The following MDGA2 variants were observed in gnomAD, a reference collection of about 807,000 sequenced individuals.
MDGA2 encodes the protein MAM domain-containing glycosylphosphatidylinositol anchor protein 2.
A neutral mutation model predicts 117.8 loss-of-function variants in MDGA2; 40 were observed. That is an observed-to-expected ratio of 0.34 (90% CI 0.26 to 0.44). The LOEUF (loss-of-function observed/expected upper bound fraction) is 0.44. MDGA2 is among the 20% of genes least tolerant of loss of function. MDGA2 has a pLI of 1.00. For synonymous variants in MDGA2, 452 were observed against 439.0 expected, an observed-to-expected ratio of 1.03 and a Z score of -0.37; for missense variants, 1,123 against 1,250.6, an observed-to-expected ratio of 0.90 and a Z score of 1.54.
At chr14:46,918,848 G>A (rs1190526598) in intron 10 of MDGA2, among the ~76,000 whole-genome samples, 1 of 145,852 alleles carries the variant, frequency 6.9e-6, no homozygotes, top group African/African-American at 2.6e-5. Flanking sequence ...TGCAAACTCC[G>A]CCTCCCAGGT....
chr14:47,585,183 A>G (rs1188412864), intron 1 of MDGA2, among the ~76,000 whole-genome samples: 1 of 151,926 alleles, frequency 6.6e-6, no homozygotes, highest in Admixed American at 6.6e-5. Flanking sequence ...ATGAAAATAT[A>G]TTGAGTGACT....
At chr14:46,863,788 G>C (rs189561041) in intron 14 of MDGA2, among the ~76,000 whole-genome samples, 7 of 152,156 alleles carry the variant, frequency 4.6e-5, no homozygotes, top group Admixed American at 1.3e-4. Context: ...AAAAAAATGA[G>C]TTTAGAAGTA....
chr14:47,295,892 G>T (rs1170797092), intron 2 of MDGA2, among the ~76,000 whole-genome samples: 1 of 151,638 alleles, frequency 6.6e-6, no homozygotes, highest in Non-Finnish European at 1.5e-5. Context: ...ACGACAGAGT[G>T]AGACTCTGTC....
chr14:46,960,845 C>T (rs1009185412), intron 8 of MDGA2, among the ~76,000 whole-genome samples: 1 of 145,512 alleles, frequency 6.9e-6, no homozygotes, highest in Non-Finnish European at 1.5e-5. Flanking sequence ...AGTTAAAATA[C>T]ATATATATTT....
chr14:47,599,275 G>A (rs1017793335), intron 1 of MDGA2, among the ~76,000 whole-genome samples: 13 of 150,700 alleles, frequency 8.6e-5, no homozygotes, highest in South Asian at 2.1e-4. Flanking sequence ...TCTGCTATCA[G>A]GAAAGAATGA....
chr14:47,434,948 C>T (rs553318829), intron 1 of MDGA2, among the ~76,000 whole-genome samples: 14 of 152,104 alleles, frequency 9.2e-5, no homozygotes, highest in Non-Finnish European at 1.8e-4. Context: ...TCAGCCTGAC[C>T]AACATGGGGA....
chr14:47,429,798 G>C (rs1207067648), intron 1 of MDGA2, among the ~76,000 whole-genome samples: 1 of 151,806 alleles, frequency 6.6e-6, no homozygotes. Context: ...TAGTGGGAAA[G>C]ATGGAGTAAT....
chr14:46,866,473 T>C (rs1881765861), intron 14 of MDGA2, among the ~76,000 whole-genome samples: 1 of 152,124 alleles, frequency 6.6e-6, no homozygotes, highest in African/African-American at 2.4e-5. Context: ...ATTCAGGACA[T>C]AGGCTGGGCA....
chr14:47,425,515 G>A (rs973983062), intron 1 of MDGA2, among the ~76,000 whole-genome samples: 10 of 152,040 alleles, frequency 6.6e-5, no homozygotes, highest in African/African-American at 1.9e-4. Context: ...TATTAAGCAC[G>A]CACACACGCG....
At chr14:47,089,746 G>T (rs2148512) in intron 6 of MDGA2, among the ~76,000 whole-genome samples, 78,682 of 151,708 alleles carry the variant, frequency 0.52, 20,709 homozygotes, top group East Asian at 0.83. Context: ...GGGACATGGA[G>T]GAAGCAGGAT....
Position 47,034,729 on chromosome 14 carries a change from TACACACACACACACACAC to T in MDGA2, c.1819+264_1819+281del, listed in dbSNP as rs59191576. Among the ~76,000 whole-genome samples, 9 of 147,156 alleles carry T rather than the reference TACACACACACACACACAC, an allele frequency of 6.1e-5. No homozygotes were observed. The South Asian group carries it at 6.6e-4, about 11-fold the overall frequency. ...CCAGATAACACCATCATAATTATCA[TACACACACACACACACAC>T]ACACACACACACACACACACACTAA... is the stretch of plus-strand genomic sequence containing the variant. On this transcript the variant is annotated intron_variant, in intron 8 of 16. Coordinates refer to ENST00000399232, the MANE Select transcript of MDGA2 (RefSeq NM_001113498.3).
chr14:47,612,272 T>A (rs1455429144), intron 1 of MDGA2, among the ~76,000 whole-genome samples: 1 of 152,044 alleles, frequency 6.6e-6, no homozygotes, highest in African/African-American at 2.4e-5. Context: ...TGTGTTTTAT[T>A]CATTGCTGTC....
intron 8 of MDGA2, among the ~76,000 whole-genome samples, chr14:46,976,111 A>G (rs1886449104): frequency 6.6e-6 from 1 of 152,180 alleles, no homozygotes; most frequent in Non-Finnish European, 1.5e-5. Flanking sequence ...GTTCTACAAG[A>G]TGAAAAGTGT....
At chr14:47,194,538 G>A (rs1247788242) in intron 3 of MDGA2, among the ~76,000 whole-genome samples, 1 of 151,884 alleles carries the variant, frequency 6.6e-6, no homozygotes, top group Non-Finnish European at 1.5e-5. Context: ...CATTCCACTA[G>A]GTTAACTGGA....
At chr14:47,486,345 A>G (rs1894060576) in intron 1 of MDGA2, among the ~76,000 whole-genome samples, 1 of 152,160 alleles carries the variant, frequency 6.6e-6, no homozygotes, top group African/African-American at 2.4e-5. Flanking sequence ...GCATCACTGT[A>G]TTTACCCAAT....
intron 1 of MDGA2, among the ~76,000 whole-genome samples, chr14:47,345,022 A>C (rs1056906266): frequency 5.3e-5 from 8 of 152,118 alleles, no homozygotes; most frequent in African/African-American, 1.9e-4. Flanking sequence ...TTTCAACCAA[A>C]TGTTTTGTGA....
intron 2 of MDGA2, among the ~76,000 whole-genome samples, chr14:47,236,815 T>A (rs1003425298): frequency 2.0e-5 from 3 of 152,170 alleles, no homozygotes; most frequent in Non-Finnish European, 4.4e-5. Context: ...TTCAAGAAGC[T>A]TTTTCCTGAA....
At chr14:47,575,891 T>C (rs1161960800) in intron 1 of MDGA2, among the ~76,000 whole-genome samples, 1 of 152,244 alleles carries the variant, frequency 6.6e-6, no homozygotes, top group African/African-American at 2.4e-5. Context: ...GGACATTTCC[T>C]ATCAATTTAT....
At chr14:47,385,829 C>T (rs1449834034) in intron 1 of MDGA2, among the ~76,000 whole-genome samples, 1 of 152,170 alleles carries the variant, frequency 6.6e-6, no homozygotes, top group East Asian at 1.9e-4. Flanking sequence ...GCAACTGAGG[C>T]AGTTGCTTAC....
Sources: gnomAD v4.1 joint callset for allele counts (sites outside exome capture counted in the v4.1 genomes callset) on GRCh38, gnomAD v4.1.1 for gene constraint, MANE v1.5 for transcripts, NCBI Gene and HGNC (gene_info 2026-07-23, HGNC 2026-07-21) for gene names.